Variants in WNK2 observed in about 807,000 individuals in gnomAD.
The protein encoded by WNK2 is WNK lysine deficient protein kinase 2.
A neutral mutation model predicts 192.1 loss-of-function variants in WNK2; 67 were observed. That is an observed-to-expected ratio of 0.35 (90% CI 0.29 to 0.43). WNK2 has a LOEUF of 0.43. Among genes scored for constraint, WNK2 ranks in the 20% least tolerant of loss-of-function variants. The probability of loss-of-function intolerance (pLI) is 1.00; values close to 1 mark genes in which losing one functional copy is unlikely to be tolerated. For missense variants in WNK2, 2,698 were observed against 3,089.7 expected (o/e 0.87, Z 3.01); for synonymous variants, 1,439 against 1,393.9 (o/e 1.03, Z -0.72).
At chr9:93,273,049 T>C in intron 19 of WNK2, among the ~76,000 whole-genome samples, 1 of 152,222 alleles carries the variant, frequency 6.6e-6, no homozygotes. Context: ...AGACAGACCA[T>C]GCAAACACAA....
chr9:93,198,711 AT>A (rs1831753339), intron 2 of WNK2, among the ~76,000 whole-genome samples: 1 of 152,056 alleles, frequency 6.6e-6, no homozygotes, highest in Non-Finnish European at 1.5e-5. Context: ...ACTCTTGGGC[AT>A]TTTTGCTAAG....
At chr9:93,268,243 C>T (rs923411042) in intron 18 of WNK2, among the ~76,000 whole-genome samples, 178 bp downstream of exon 18, 2 of 152,196 alleles carry the variant, frequency 1.3e-5, no homozygotes, top group South Asian at 4.1e-4. Flanking sequence ...ACCGGCATCA[C>T]GGCCTTCATG....
Position 93,320,255 on chromosome 9 carries a change from G to A in WNK2, c.6629-112G>A, listed in dbSNP as rs1288830810. On this transcript the variant is annotated intron_variant, in intron 29 of 29. Coordinates refer to ENST00000427277, the MANE Select transcript of WNK2 (RefSeq NM_006648.4). ...TACACAGGGCGTGGGTCATGGCAGA[G>A]CTGGCGCAGCCTTCCCGTCGGCAGC... The A allele has an allele frequency of 9.8e-6, 12 of 1,227,402 alleles. No homozygotes were observed. The East Asian group carries it at 5.3e-4, about 54-fold the overall frequency. The allele number at this position is 1,227,402 out of a possible 1,614,324, so 76.0% of individuals were successfully genotyped here. A position where few individuals can be genotyped will look rare whatever the true frequency, so the allele number is the denominator to read the frequency against.
intron 19 of WNK2, among the ~76,000 whole-genome samples, chr9:93,287,954 G>A (rs1305418837): frequency 6.6e-6 from 1 of 152,138 alleles, no homozygotes; most frequent in East Asian, 1.9e-4. Flanking sequence ...GCTGAGGTGG[G>A]AGGATTGCTT....
chr9:93,278,476 T>C (rs1847269263), intron 19 of WNK2, among the ~76,000 whole-genome samples: 1 of 152,198 alleles, frequency 6.6e-6, no homozygotes, highest in Non-Finnish European at 1.5e-5. Context: ...GGGTTTTGGG[T>C]ACAGTACAAA....
chr9:93,245,668 A>G (rs551791652), intron 7 of WNK2, among the ~76,000 whole-genome samples: 63 of 152,182 alleles, frequency 4.1e-4, no homozygotes, highest in Admixed American at 5.2e-4. Flanking sequence ...TTTGTCACCA[A>G]TCTTCTCACT....
rs778381714 is a variant in WNK2, at chr9:93,252,979, C to T, written c.1931C>T (p.Ala644Val). 13 of 1,567,070 alleles carry T rather than the reference C, an allele frequency of 8.3e-6. No homozygotes were observed. In the Admixed American group the frequency reaches 1.1e-4, roughly 14 times the overall value. The part of the protein sequence containing the change: ...SVMLGSLADA[A>V]PSPAQCVCSP... ...ATGCTTGGCTCCCTTGCCGACGCAGCGCCGTCCCCGGCCCAGTGTGTGTGC... is the reference window on the plus strand; with the variant it reads ...ATGCTTGGCTCCCTTGCCGACGCAGTGCCGTCCCCGGCCCAGTGTGTGTGC... Residue 644 changes from alanine (A) to valine (V), a missense_variant, in exon 9 of 30, where the codon GCG (alanine) becomes GTG (valine). Ala to Val is a moderately conservative substitution (Grantham distance 64). Coordinates refer to ENST00000427277, the MANE Select transcript of WNK2 (RefSeq NM_006648.4).
rs1387620212 is a variant in WNK2 at position 93,308,453 on chromosome 9, G to A, written c.6385G>A (p.Val2129Met). The A allele has an allele frequency of 7.5e-6, 12 of 1,610,194 alleles. No homozygotes were observed. Among genetic ancestry groups the A allele is most frequent in the Non-Finnish European group, 8.5e-6 (10 of 1,178,732 alleles). Residue 2129 changes from valine (V) to methionine (M), a missense_variant, in exon 28 of 30, where the codon GTG becomes ATG. This residue lies in a region of WNK2 where 167 missense variants were observed against 184.2 expected (regional missense o/e 0.91). Transcript: ENST00000427277. The part of the protein sequence containing the change: ...GTFTDDLHKL[V>M]DEWTSKTVGA... ...CTTCACGGACGACCTGCACAAGCTG[G>A]TGGACGAGTGGACGAGCAAGACGGT... is the stretch of plus-strand genomic sequence containing the variant.
intron 19 of WNK2, among the ~76,000 whole-genome samples, chr9:93,272,341 C>T (rs1392676763): frequency 6.6e-6 from 1 of 152,162 alleles, no homozygotes; most frequent in East Asian, 1.9e-4. Flanking sequence ...TCCATGTAGA[C>T]TGTGAAAAGT....
At chr9:93,286,920 G>A (rs1451947782) in intron 19 of WNK2, among the ~76,000 whole-genome samples, 2 of 152,144 alleles carry the variant, frequency 1.3e-5, no homozygotes, top group African/African-American at 2.4e-5. Flanking sequence ...AAGACTACAC[G>A]ATTCATTCCT....
chr9:93,296,242 T>C (rs1850367369), intron 23 of WNK2, among the ~76,000 whole-genome samples: 2 of 24,002 alleles, frequency 8.3e-5, no homozygotes, highest in East Asian at 1.6e-3. Context: ...TCCCCTCACC[T>C]TCCTCCCCTC....
chr9:93,231,121 C>A lies in WNK2; in HGVS notation c.1075+13C>A. Reference sequence around the variant, plus strand: ...AAAAGTGTGATAGGTAAACCTGCTTCTCCTCCCCAGGCCCTTGGAGCCCAT... The same window carrying A: ...AAAAGTGTGATAGGTAAACCTGCTTATCCTCCCCAGGCCCTTGGAGCCCAT... On this transcript the variant is annotated intron_variant, in intron 4 of 29. Transcript: ENST00000427277. The A allele has an allele frequency of 3.7e-6, 6 of 1,612,638 alleles. No homozygotes were observed. The highest frequency in any genetic ancestry group is 5.1e-6 in the Non-Finnish European group (6 of 1,178,656).
In WNK2 at chr9:93,257,231, G is replaced by C; in HGVS notation, c.2382+92G>C. ...AGGACACCCACAGAGGGGGTTGTCT[G>C]TGCATGTGACCTGTGACCTGGGGTT... On this transcript the variant is annotated intron_variant, in intron 11 of 29. Coordinates refer to ENST00000427277, the MANE Select transcript of WNK2 (RefSeq NM_006648.4). This position sits in a 1 kb window ranked among gnomAD's most constrained non-coding sequence, Gnocchi z 4.7. The C allele has an allele frequency of 2.9e-6, 4 of 1,393,888 alleles. No homozygotes were observed. In the South Asian group the frequency reaches 3.9e-5, roughly 13 times the overall value. 86.3% of individuals were successfully genotyped at this position (1,393,888 alleles called of 1,614,324 possible).
Position 93,269,467 on chromosome 9 carries a change from C to T in WNK2, c.4033+721C>T, listed in dbSNP as rs141594909. On this transcript the variant is annotated intron_variant, in intron 19 of 29. Coordinates refer to ENST00000427277, the MANE Select transcript of WNK2 (RefSeq NM_006648.4). ...TGACTCCCATTATCTTTTGGAGATTCGTTCCCATGGGGGACAGGTCAGCCT... is the reference window on the plus strand; with the variant it reads ...TGACTCCCATTATCTTTTGGAGATTTGTTCCCATGGGGGACAGGTCAGCCT... Among the ~76,000 whole-genome samples the T allele has an allele frequency of 3.9e-5, 6 of 152,280 alleles. No individual in the cohort carries two copies. The East Asian group carries it at 7.7e-4, about 20-fold the overall frequency.
Position 93,320,519 on chromosome 9 carries a change from A to C in WNK2, c.*127A>C, listed in dbSNP as rs1855317411. ...CACTTTCTAAGCATTTTTTATTCAC[A>C]ATTGGAAACACAAATGTAATGCAAG... On this transcript the variant is annotated 3_prime_UTR_variant, in exon 30 of 30. Coordinates refer to ENST00000427277, the MANE Select transcript of WNK2 (RefSeq NM_006648.4). The C allele has an allele frequency of 9.8e-7, 1 of 1,023,526 alleles. No homozygotes were observed. The highest frequency in any genetic ancestry group is 1.7e-5 in the African/African-American group (1 of 59,846). The allele number at this position is 1,023,526 out of a possible 1,614,324, so 63.4% of individuals were successfully genotyped here.
At chr9:93,220,963 C>G (rs1405674202) in intron 2 of WNK2, among the ~76,000 whole-genome samples, 5 of 152,226 alleles carry the variant, frequency 3.3e-5, no homozygotes, top group African/African-American at 1.2e-4. Flanking sequence ...TCCTCCTGGG[C>G]TGCCCACCCA....
chr9:93,231,211 C>A (rs896286931), intron 4 of WNK2, 103 bp downstream of exon 4: 3 of 1,161,234 alleles, frequency 2.6e-6, no homozygotes, highest in Non-Finnish European at 1.3e-6. Flanking sequence ...TGCAGGAGAC[C>A]CAGTGGGAGG....
Position 93,261,802 on chromosome 9 carries a change from CT to C in WNK2, c.3067-11del. On this transcript the variant is annotated splice_polypyrimidine_tract_variant and intron_variant, in intron 12 of 29. Transcript: ENST00000427277. The stretch of plus-strand genomic sequence containing the variant: ...CCGGCCCTGACTTGCACCTTGTCCC[CT>C]GTGCCCCCAGATTCTGCTTGGCCAC... 1 of 1,580,404 alleles carries C rather than the reference CT, an allele frequency of 6.3e-7. No individual in the cohort carries two copies. The highest frequency in any genetic ancestry group is 8.6e-7 in the Non-Finnish European group (1 of 1,165,974).
At chr9:93,282,537 AC>A (rs1284004913) in intron 19 of WNK2, among the ~76,000 whole-genome samples, 1 of 152,122 alleles carries the variant, frequency 6.6e-6, no homozygotes, top group East Asian at 1.9e-4. Context: ...GAAAAAGAGC[AC>A]ACTAATACTC....
Sources: gnomAD v4.1 joint callset for allele counts (sites outside exome capture counted in the v4.1 genomes callset) on GRCh38, gnomAD v4.1.1 for gene constraint, gnomAD v4.1.1 regional missense constraint, Gnocchi (gnomAD v3.1) non-coding constraint, MANE v1.5 for transcripts, NCBI Gene and HGNC (gene_info 2026-07-23, HGNC 2026-07-21) for gene names.